Variants in UBASH3B observed in about 807,000 individuals in gnomAD.
UBASH3B encodes ubiquitin-associated and SH3 domain-containing protein B.
A neutral mutation model predicts 83.4 loss-of-function variants in UBASH3B; 37 were observed. That is an observed-to-expected ratio of 0.44 (90% CI 0.34 to 0.58). The LOEUF (loss-of-function observed/expected upper bound fraction) is 0.58, where lower values mean the gene tolerates loss of function less well. UBASH3B is among the 20% of genes least tolerant of loss of function. The pLI is 0.01. For synonymous variants in UBASH3B, 304 were observed against 318.3 expected, an observed-to-expected ratio of 0.96 and a Z score of 0.48; for missense variants, 657 against 827.2, an observed-to-expected ratio of 0.79 and a Z score of 2.52.
intron 1 of UBASH3B, among the ~76,000 whole-genome samples, chr11:122,662,841 C>T (rs560319360): frequency 9.8e-5 from 15 of 152,306 alleles, no homozygotes; most frequent in African/African-American, 3.6e-4. Context: ...TTTTTAGACT[C>T]ATCCTGCATG....
At chr11:122,751,251 G>A (rs1056132379) in intron 1 of UBASH3B, among the ~76,000 whole-genome samples, 3 of 152,096 alleles carry the variant, frequency 2.0e-5, no homozygotes, top group South Asian at 2.1e-4. Flanking sequence ...TGAGATAATC[G>A]GGTCCCTAAA....
intron 4 of UBASH3B, among the ~76,000 whole-genome samples, chr11:122,781,316 C>G (rs1278520351): frequency 1.3e-5 from 2 of 152,194 alleles, no homozygotes; most frequent in African/African-American, 4.8e-5. Context: ...ATCCCTCAAT[C>G]TCAAGGAAAT....
rs139557235 is a variant in UBASH3B, at chr11:122,657,541, G to T, written c.161+1331G>T. 1.8e-3 allele frequency among the ~76,000 whole-genome samples: 281 copies of T among 152,102 alleles called. 1 individual carries two copies. The highest frequency in any genetic ancestry group is 6.3e-3 in the African/African-American group (262 of 41,488). On this transcript the variant is annotated intron_variant, in intron 1 of 13. Coordinates refer to ENST00000284273, the MANE Select transcript of UBASH3B (RefSeq NM_032873.5). ...TGACCTCAGGTGATCCACCCACCTC[G>T]GTCTCCCAAAGTGCTGGGATTACAG...
In UBASH3B at chr11:122,803,502, T is replaced by C. The variant is rs551567863; in HGVS notation, c.1595+2170T>C. On this transcript the variant is annotated intron_variant, in intron 11 of 13. Coordinates refer to ENST00000284273, the MANE Select transcript of UBASH3B (RefSeq NM_032873.5). ...GGAAGCTAACCAGGCTGGTGACTAA[T>C]ATTGAAGCATCATCCACAGGCAGCA... Among the ~76,000 whole-genome samples the C allele has an allele frequency of 2.6e-5, 4 of 152,076 alleles. No homozygotes were observed. In the South Asian group the frequency reaches 6.2e-4, roughly 24 times the overall value.
chr11:122,744,279 G>A (rs61910269), intron 1 of UBASH3B, among the ~76,000 whole-genome samples: 9,230 of 152,202 alleles, frequency 0.061, 370 homozygotes, highest in African/African-American at 0.095. Flanking sequence ...GCCTGTGTGC[G>A]CACATAAATG....
At position 122,809,935 on chromosome 11, in the gene UBASH3B, G is replaced by C; in HGVS notation, c.*49G>C. 1.3e-6 allele frequency: 2 copies of C among 1,596,722 alleles called. No individual in the cohort carries two copies. Among genetic ancestry groups the C allele is most frequent in the Middle Eastern group, 1.7e-4 (1 of 5,966 alleles). ...AAGGCCTTTTGGAGTGTGTCTTTCT[G>C]TGTGTTTAAAAACAGTGGGAAAATC... is the stretch of plus-strand genomic sequence containing the variant. On this transcript the variant is annotated 3_prime_UTR_variant, in exon 14 of 14. Transcript: ENST00000284273.
At chr11:122,800,383 C>CAA (rs540359065) in intron 10 of UBASH3B, among the ~76,000 whole-genome samples, 11,155 of 76,548 alleles carry the variant, frequency 0.15, 805 homozygotes, top group Middle Eastern at 0.25. Context: ...ACTAAAAATA[C>CAA]AAAAAAAAAA....
At chr11:122,753,897 T>C (rs1861241918) in intron 1 of UBASH3B, among the ~76,000 whole-genome samples, 1 of 152,148 alleles carries the variant, frequency 6.6e-6, no homozygotes, top group African/African-American at 2.4e-5. Flanking sequence ...AAACTGTCTA[T>C]CCATGAATTC....
At chr11:122,774,606 G>T (rs1860701782) in intron 1 of UBASH3B, among the ~76,000 whole-genome samples, 1 of 152,188 alleles carries the variant, frequency 6.6e-6, no homozygotes, top group Non-Finnish European at 1.5e-5. Context: ...AAGGAAGGAG[G>T]GGGTGAGTTT....
chr11:122,736,330 C>T (rs531757920), intron 1 of UBASH3B, among the ~76,000 whole-genome samples: 4 of 151,950 alleles, frequency 2.6e-5, no homozygotes, highest in Non-Finnish European at 4.4e-5. Context: ...CAACCTCATT[C>T]TATATTCTGA....
At chr11:122,743,252 G>A (rs1349240044) in intron 1 of UBASH3B, among the ~76,000 whole-genome samples, 1 of 152,230 alleles carries the variant, frequency 6.6e-6, no homozygotes, top group East Asian at 1.9e-4. Flanking sequence ...GTCTTGCTAT[G>A]TTGCCCAGGC....
intron 1 of UBASH3B, among the ~76,000 whole-genome samples, chr11:122,750,577 G>A (rs1042411633): frequency 1.3e-5 from 2 of 152,184 alleles, no homozygotes; most frequent in African/African-American, 4.8e-5. Context: ...ATTTCCAAAG[G>A]ATCCTCATGA....
At chr11:122,774,326 C>A (rs1860696845) in intron 1 of UBASH3B, 10 of 983,086 alleles carry the variant, frequency 1.0e-5, no homozygotes, top group Middle Eastern at 5.2e-4. Flanking sequence ...TTATCCTGAT[C>A]ATTTGGTATC....
At chr11:122,753,179 C>T (rs1380967310) in intron 1 of UBASH3B, among the ~76,000 whole-genome samples, 4 of 151,142 alleles carry the variant, frequency 2.6e-5, no homozygotes, top group Non-Finnish European at 5.9e-5. Flanking sequence ...TGCTGTGGCT[C>T]GCGCCTGTAA....
chr11:122,686,707 C>G (rs1334678417), intron 1 of UBASH3B, among the ~76,000 whole-genome samples: 6 of 152,138 alleles, frequency 3.9e-5, no homozygotes, highest in Non-Finnish European at 8.8e-5. Context: ...TACCCTACCA[C>G]AAATGCCTTA....
intron 1 of UBASH3B, among the ~76,000 whole-genome samples, chr11:122,737,801 G>C (rs1860958996): frequency 6.6e-6 from 1 of 152,136 alleles, no homozygotes; most frequent in Admixed American, 6.5e-5. Flanking sequence ...GGACGCCAGA[G>C]GGTTGAGCAG....
At chr11:122,760,971 C>T (rs749475862) in intron 1 of UBASH3B, among the ~76,000 whole-genome samples, 6 of 152,180 alleles carry the variant, frequency 3.9e-5, no homozygotes, top group Middle Eastern at 3.2e-3. Flanking sequence ...TTCGGTCTCC[C>T]TGGATAACTG....
chr11:122,656,057 A>T lies in UBASH3B; in HGVS notation c.8A>T (p.Gln3Leu). The T allele has an allele frequency of 1.3e-6, 2 of 1,594,454 alleles. No homozygotes were observed. Among genetic ancestry groups the T allele is most frequent in the Non-Finnish European group, 1.7e-6 (2 of 1,172,066 alleles). Residue 3 changes from glutamine to leucine, a missense_variant, in exon 1 of 14, where the codon CAG (glutamine) becomes CTG (leucine). Gln to Leu is a moderately radical substitution (Grantham distance 113). Around this residue, in one of 3 missense-constraint regions of UBASH3B, gnomAD observed 78 missense variants for 68.4 expected, o/e 1.14. Coordinates refer to ENST00000284273, the MANE Select transcript of UBASH3B (RefSeq NM_032873.5). MA[Q>L]YGHPSPLGMA... Reference sequence around the variant, plus strand: ...ATGGCTGGCCGCTGAGCCATGGCTCAGTACGGCCACCCCAGTCCGCTCGGC... The same window carrying T: ...ATGGCTGGCCGCTGAGCCATGGCTCTGTACGGCCACCCCAGTCCGCTCGGC...
intron 1 of UBASH3B, among the ~76,000 whole-genome samples, chr11:122,755,133 A>AC (rs1861263059): frequency 6.6e-6 from 1 of 152,130 alleles, no homozygotes; most frequent in East Asian, 1.9e-4. Context: ...TCATGGTTCA[A>AC]CGCTGAATAA....
Sources: gnomAD v4.1 joint callset for allele counts (sites outside exome capture counted in the v4.1 genomes callset) on GRCh38, gnomAD v4.1.1 for gene constraint, gnomAD v4.1.1 regional missense constraint, MANE v1.5 for transcripts, NCBI Gene and HGNC (gene_info 2026-07-23, HGNC 2026-07-21) for gene names.